The following HTT variants were observed in gnomAD, a reference collection of about 807,000 sequenced individuals.
HTT encodes huntingtin.
In HTT, 104 loss-of-function variants were observed where a neutral mutation model predicts 362.3. The ratio of observed to expected loss-of-function variants is 0.29; its 90% CI spans 0.24 to 0.34. The LOEUF (loss-of-function observed/expected upper bound fraction) is 0.34, where lower values mean the gene tolerates loss of function less well. HTT is among the 10% of genes least tolerant of loss of function. The pLI is 1.00. For synonymous variants in HTT, 1,577 were observed against 1,548.7 expected (o/e 1.02, Z -0.43); for missense variants, 3,301 against 3,928.6 (o/e 0.84, Z 4.27).
chr4:3,137,032 C>T (rs1030635592), intron 21 of HTT, among the ~76,000 whole-genome samples: 2 of 151,696 alleles, frequency 1.3e-5, no homozygotes, highest in Admixed American at 6.6e-5. Context: ...CTCAGCCTCC[C>T]GAGTAGCTGG....
At chr4:3,177,644 G>A (rs1718298007) in intron 34 of HTT, among the ~76,000 whole-genome samples, 1 of 152,192 alleles carries the variant, frequency 6.6e-6, no homozygotes, top group African/African-American at 2.4e-5. Flanking sequence ...ATTTAATTGT[G>A]TTGACAGATG....
At chr4:3,194,137 G>A (rs1284455742) in intron 40 of HTT, among the ~76,000 whole-genome samples, 1 of 152,156 alleles carries the variant, frequency 6.6e-6, no homozygotes. Context: ...TTAAACAAAG[G>A]CTATGAATTC....
rs1715881257 is a variant in HTT at position 3,132,688 on chromosome 4, G to A, written c.2363G>A (p.Gly788Glu). The A allele has an allele frequency of 6.2e-7, 1 of 1,614,080 alleles. No individual in the cohort carries two copies. ...CTCAGCAGGTCCCGCTTCCACGTGGGAGATTGGATGGGCACCATTAGAACC... is the reference window on the plus strand; with the variant it reads ...CTCAGCAGGTCCCGCTTCCACGTGGAAGATTGGATGGGCACCATTAGAACC... ...SILSRSRFHVGDWMGTIRTLT... is the reference protein window; with the variant it reads ...SILSRSRFHVEDWMGTIRTLT... The change falls in exon 17 of 67, where the codon GGA (glycine) becomes GAA (glutamate). Residue 788 changes from glycine (G) to glutamate (E), a missense_variant. Physicochemically the swap from Gly to Glu is moderately conservative, Grantham distance 98. This residue lies in a region of HTT where 2,316 missense variants were observed against 2,658.5 expected (regional missense o/e 0.87). Transcript: ENST00000355072.
chr4:3,228,385 G>A lies in HTT; in HGVS notation c.7849-230G>A, dbSNP rs770872991. ...CCTCAGCTGCTCCTGGGGTTGACTG[G>A]CCCCTGATTCATGCCTTTAGCATGT... On this transcript the variant is annotated intron_variant, in intron 57 of 66. Transcript: ENST00000355072. The surrounding 1 kb of genome is among the most constrained non-coding windows in gnomAD (Gnocchi z 4.3). 2.6e-5 allele frequency among the ~76,000 whole-genome samples: 4 copies of A among 152,154 alleles called. No homozygotes were observed. The highest frequency in any genetic ancestry group is 4.4e-5 in the Non-Finnish European group (3 of 68,014).
intron 56 of HTT, among the ~76,000 whole-genome samples, chr4:3,225,415 A>G (rs1296995938): frequency 6.6e-6 from 1 of 152,182 alleles, no homozygotes; most frequent in African/African-American, 2.4e-5. Context: ...CTGCAGTCTT[A>G]TTTGTCATAG....
At chr4:3,140,695 A>G (rs760103567) in intron 22 of HTT, 39 bp downstream of exon 22, 18 of 1,596,042 alleles carry the variant, frequency 1.1e-5, no homozygotes, top group Non-Finnish European at 8.6e-7. Flanking sequence ...TGTCGGGAAA[A>G]TGCCCTTTCC....
chr4:3,136,557 C>A (rs910763163), intron 21 of HTT, among the ~76,000 whole-genome samples: 2 of 151,574 alleles, frequency 1.3e-5, no homozygotes, highest in African/African-American at 4.8e-5. Flanking sequence ...AATGCACTTT[C>A]ATTGTAAAAA....
Position 3,099,922 on chromosome 4 carries a change from A to G in HTT, c.468+528A>G, listed in dbSNP as rs182689388. 3.5e-3 allele frequency among the ~76,000 whole-genome samples: 524 copies of G among 150,550 alleles called. 1 individual carries two copies. The highest frequency in any genetic ancestry group is 0.012 in the African/African-American group (505 of 40,836). ...GTATGGTTTGGAGGTGCTCTGTTGT[A>G]TGGTTTGGAGGTGCTCTTGTATGGT... is the stretch of plus-strand genomic sequence containing the variant. On this transcript the variant is annotated intron_variant, in intron 3 of 66. Transcript: ENST00000355072.
At chr4:3,231,601 C>A (rs1324762852) in intron 60 of HTT, among the ~76,000 whole-genome samples, 5 of 152,186 alleles carry the variant, frequency 3.3e-5, no homozygotes, top group Non-Finnish European at 5.9e-5. Flanking sequence ...GTCATCTTCC[C>A]TTGTGGGTGT....
chr4:3,225,112 G>T (rs566599488), intron 56 of HTT, among the ~76,000 whole-genome samples: 1 of 152,168 alleles, frequency 6.6e-6, no homozygotes, highest in African/African-American at 2.4e-5. Flanking sequence ...GGGAATTGGG[G>T]GGATGCCCAG....
At chr4:3,098,947 C>CGAAG (rs1714004541) in intron 2 of HTT, among the ~76,000 whole-genome samples, 3 of 152,124 alleles carry the variant, frequency 2.0e-5, no homozygotes, top group Non-Finnish European at 4.4e-5. Flanking sequence ...CAAGTACAAT[C>CGAAG]TCTTCTTTTT....
Position 3,130,394 on chromosome 4 carries a change from G to C in HTT, c.1957G>C (p.Ala653Pro). The C allele has an allele frequency of 1.2e-6, 2 of 1,604,972 alleles. No individual in the cohort carries two copies. The highest frequency in any genetic ancestry group is 1.7e-4 in the Middle Eastern group (1 of 6,040). The change falls in exon 14 of 67, where the codon GCT becomes CCT. Residue 653 changes from alanine to proline, a missense_variant. By Grantham distance (27) the Ala-to-Pro change is conservative. Around this residue, in one of 4 missense-constraint regions of HTT, gnomAD observed 2,316 missense variants for 2,658.5 expected, o/e 0.87. Coordinates refer to ENST00000355072, the MANE Select transcript of HTT (RefSeq NM_001388492.1). ...TGATAAATTTGTGTTGAGAGATGAA[G>C]CTACTGAACCGGGTGATCAAGAAAA... is the stretch of plus-strand genomic sequence containing the variant. ...SVDKFVLRDEATEPGDQENKP... is the reference protein window; with the variant it reads ...SVDKFVLRDEPTEPGDQENKP...
chr4:3,131,533 G>A (rs1210974004), intron 15 of HTT, 105 bp from the exon 16 acceptor site: 17 of 1,532,058 alleles, frequency 1.1e-5, no homozygotes, highest in East Asian at 2.3e-5. Context: ...TAGCCGAGGG[G>A]AGGGAGGAAA....
rs781055139 is a variant in HTT at position 3,175,123 on chromosome 4, C to CT, written c.4407+19dup. 30 of 1,604,960 alleles carry CT rather than the reference C, an allele frequency of 1.9e-5. No individual in the cohort carries two copies. The African/African-American group carries it at 3.9e-4, about 21-fold the overall frequency. ...TTCAGATCAGGTTTGTCACTTTTAT[C>CT]TTTCATCCATCATACCTGTTCCTAA... On this transcript the variant is annotated intron_variant, in intron 33 of 66. Transcript: ENST00000355072.
chr4:3,158,091 C>T lies in HTT; in HGVS notation c.3753+892C>T, dbSNP rs1312777124. Among the ~76,000 whole-genome samples the T allele has an allele frequency of 3.4e-5, 5 of 146,852 alleles. 1 individual carries two copies. Among genetic ancestry groups the T allele is most frequent in the African/African-American group, 1.3e-4 (5 of 39,108 alleles). On this transcript the variant is annotated intron_variant, in intron 28 of 66. Transcript: ENST00000355072. ...CCTGCAGTCTCAGGGCTCAAGTGAT[C>T]CTCCCACCTCAGCTCCTGAGTACCT...
Position 3,206,955 on chromosome 4 carries a change from T to C in HTT, c.6047T>C (p.Val2016Ala). The C allele has an allele frequency of 6.2e-7, 1 of 1,611,864 alleles. No homozygotes were observed. Among genetic ancestry groups the C allele is most frequent in the South Asian group, 1.1e-5 (1 of 90,494 alleles). Reference sequence around the variant, plus strand: ...GTCGACATCCTTGCTTGTCGCCGGGTAGAAATGCTTCTGGCTGCAAATTTA... The same window carrying C: ...GTCGACATCCTTGCTTGTCGCCGGGCAGAAATGCTTCTGGCTGCAAATTTA... ...RMVDILACRR[V>A]EMLLAANLQS... is the part of the protein sequence containing the mutation. Residue 2016 changes from valine (V) to alanine (A), a missense_variant, in exon 44 of 67, where the codon GTA becomes GCA. Val to Ala is a moderately conservative substitution (Grantham distance 64). Coordinates refer to ENST00000355072, the MANE Select transcript of HTT (RefSeq NM_001388492.1). The surrounding 1 kb of genome is among the most constrained non-coding windows in gnomAD (Gnocchi z 4.6).
rs560199502 is a variant in HTT at position 3,130,327 on chromosome 4, G to A, written c.1890G>A (p.Leu630=). 1 of 1,588,826 alleles carries A rather than the reference G, an allele frequency of 6.3e-7. No individual in the cohort carries two copies. The highest frequency in any genetic ancestry group is 1.3e-5 in the African/African-American group (1 of 74,134). ...SSMALQQAHL[L]KNMSHCRQPS... Reference sequence around the variant, plus strand: ...AAGCCCTTCAACAGGCACATTTATTGAAAAACATGAGTCACTGCAGGCAGC... The same window carrying A: ...AAGCCCTTCAACAGGCACATTTATTAAAAAACATGAGTCACTGCAGGCAGC... The change falls in exon 14 of 67, where the codon TTG becomes TTA. Residue 630 remains leucine, a synonymous_variant. Coordinates refer to ENST00000355072, the MANE Select transcript of HTT (RefSeq NM_001388492.1).
chr4:3,208,837 C>T lies in HTT; in HGVS notation c.6217C>T (p.Pro2073Ser). The T allele has an allele frequency of 6.2e-7, 1 of 1,614,138 alleles. No homozygotes were observed. The highest frequency in any genetic ancestry group is 8.5e-7 in the Non-Finnish European group (1 of 1,179,980). ...CTCCACCATGCAAGACTCACTTAGT[C>T]CCTCTCCTCCAGTCTCTTCCCACCC... ...RLSTMQDSLS[P>S]SPPVSSHPLD... The change falls in exon 46 of 67, where the codon CCC becomes TCC. Residue 2073 changes from proline to serine, a missense_variant. By Grantham distance (74) the Pro-to-Ser change is moderately conservative. Transcript: ENST00000355072.
At chr4:3,212,539 C>T (rs1369132899) in intron 48 of HTT, 25 bp from the exon 49 acceptor site, 2 of 1,610,262 alleles carry the variant, frequency 1.2e-6, no homozygotes, top group Admixed American at 3.3e-5. Flanking sequence ...CGTTTGCACC[C>T]ACCCACGAGG....
Sources: allele counts gnomAD v4.1 joint callset (sites outside exome capture counted in the v4.1 genomes callset), GRCh38; gene constraint gnomAD v4.1.1; regional missense constraint gnomAD v4.1.1; non-coding constraint Gnocchi (gnomAD v3.1); transcripts MANE v1.5; gene names NCBI Gene and HGNC (gene_info 2026-07-23, HGNC 2026-07-21).